Variants in CEP170 observed in about 807,000 individuals in gnomAD.
CEP170 encodes the protein centrosomal protein of 170 kDa.
Under a neutral mutation model 151.9 loss-of-function variants are expected in CEP170, and 21 were observed. The ratio of observed to expected loss-of-function variants is 0.14; its 90% confidence interval spans 0.10 to 0.20. The LOEUF is 0.20. Among genes scored for constraint, CEP170 ranks in the 10% least tolerant of loss-of-function variants. CEP170 has a pLI of 1.00. For synonymous variants in CEP170, 356 were observed against 648.8 expected, an observed-to-expected ratio of 0.55 and a Z score of 6.86; for missense variants, 964 against 1,892.9, an observed-to-expected ratio of 0.51 and a Z score of 9.11.
chr1:243,243,669 G>C (rs778053624), intron 1 of CEP170, among the ~76,000 whole-genome samples: 1 of 151,892 alleles, frequency 6.6e-6, no homozygotes, highest in Non-Finnish European at 1.5e-5. Flanking sequence ...GACTACAGGT[G>C]CACACCACCA....
At chr1:243,155,868 G>C (rs1193662098) in intron 14 of CEP170, among the ~76,000 whole-genome samples, 1 of 152,040 alleles carries the variant, frequency 6.6e-6, no homozygotes, top group African/African-American at 2.4e-5. Context: ...AAGTTTAAAG[G>C]AAAGTAATCC....
chr1:243,201,720 T>C (rs1479477896), intron 4 of CEP170, among the ~76,000 whole-genome samples: 2 of 152,136 alleles, frequency 1.3e-5, no homozygotes, highest in Non-Finnish European at 2.9e-5. Flanking sequence ...TTCTACTTGT[T>C]AAAATAATAA....
At chr1:243,254,219 T>TA (rs1553275319) in intron 1 of CEP170, 2 of 139,386 alleles carry the variant, frequency 1.4e-5, no homozygotes, top group African/African-American at 5.2e-5. Context: ...AATAAATAAA[T>TA]AAAACTCTAC....
chr1:243,156,988 C>A (rs2057620102), intron 13 of CEP170, among the ~76,000 whole-genome samples: 2 of 151,766 alleles, frequency 1.3e-5, no homozygotes, highest in Admixed American at 6.6e-5. Context: ...GCCTTTATGG[C>A]AGAAAAAAAA....
intron 6 of CEP170, 73 bp downstream of exon 6, chr1:243,200,445 C>G (rs2060950185): frequency 6.3e-7 from 1 of 1,593,372 alleles, no homozygotes; most frequent in Middle Eastern, 1.8e-4. Context: ...ACATAGCCAA[C>G]TTTCTGAGAA....
chr1:243,162,044 T>A (rs2058105303), intron 13 of CEP170, among the ~76,000 whole-genome samples: 3 of 152,178 alleles, frequency 2.0e-5, no homozygotes, highest in Non-Finnish European at 4.4e-5. Flanking sequence ...TGAGAGAATC[T>A]GAATATACAA....
chr1:243,225,345 T>C, intron 1 of CEP170, 24 bp from the exon 2 acceptor site: 2 of 966,082 alleles, frequency 2.1e-6, no homozygotes, highest in East Asian at 2.9e-5. Context: ...TGAAGAAAAA[T>C]ATACGTTCAG....
chr1:243,244,276 T>C (rs528700190), intron 1 of CEP170, among the ~76,000 whole-genome samples: 1 of 152,158 alleles, frequency 6.6e-6, no homozygotes, highest in African/African-American at 2.4e-5. Context: ...TCAACTGTCC[T>C]GTACATTTGA....
At chr1:243,170,711 G>A (rs1429973820) in intron 11 of CEP170, among the ~76,000 whole-genome samples, 7 of 152,094 alleles carry the variant, frequency 4.6e-5, no homozygotes, top group Non-Finnish European at 1.0e-4. Flanking sequence ...GGGGAATCGC[G>A]TGAACCCGGG....
At chr1:243,149,778 T>C (rs1467155241) in intron 14 of CEP170, among the ~76,000 whole-genome samples, 3 of 152,212 alleles carry the variant, frequency 2.0e-5, no homozygotes, top group Non-Finnish European at 4.4e-5. Context: ...AAGCATTATA[T>C]TACCTTACAG....
chr1:243,170,885 A>G (rs990715536), intron 11 of CEP170, among the ~76,000 whole-genome samples: 1 of 152,186 alleles, frequency 6.6e-6, no homozygotes, highest in Non-Finnish European at 1.5e-5. Context: ...ATCCCATCCA[A>G]GGTTTTCTGT....
In CEP170 at chr1:243,173,985, T is replaced by A. The variant is rs536002685; in HGVS notation, c.1567-1139A>T. Among the ~76,000 whole-genome samples, 5 of 152,310 alleles carry A rather than the reference T, an allele frequency of 3.3e-5. No homozygotes were observed. The South Asian group carries it at 6.2e-4, about 19-fold the overall frequency. On this transcript the variant is annotated intron_variant, in intron 10 of 19. Coordinates refer to ENST00000366542, the MANE Select transcript of CEP170 (RefSeq NM_014812.3). ...GCCATTTTATTGTATAATTGCGACATAGTAGATAGCATAATTCTCAAACTG... is the reference window on the plus strand; with the variant it reads ...GCCATTTTATTGTATAATTGCGACAAAGTAGATAGCATAATTCTCAAACTG...
intron 10 of CEP170, among the ~76,000 whole-genome samples, chr1:243,179,886 G>A (rs2059506285): frequency 6.6e-6 from 1 of 152,114 alleles, no homozygotes; most frequent in Non-Finnish European, 1.5e-5. Context: ...AACACAACAT[G>A]GCAATCTGAT....
chr1:243,134,859 T>C (rs562592927), intron 17 of CEP170, among the ~76,000 whole-genome samples: 21 of 152,144 alleles, frequency 1.4e-4, no homozygotes, highest in Non-Finnish European at 2.5e-4. Context: ...GGTCTGTCAA[T>C]ACATTTCACT....
intron 14 of CEP170, among the ~76,000 whole-genome samples, chr1:243,152,945 AT>A (rs2057245438): frequency 6.6e-6 from 1 of 152,206 alleles, no homozygotes; most frequent in Non-Finnish European, 1.5e-5. Context: ...TAAACTGAAA[AT>A]CTTTTGGAAA....
Position 243,164,855 on chromosome 1 carries a change from G to T in CEP170, c.3105C>A (p.Ala1035=), listed in dbSNP as rs1184397817. 1 of 1,613,318 alleles carries T rather than the reference G, an allele frequency of 6.2e-7. No homozygotes were observed. The highest frequency in any genetic ancestry group is 1.3e-5 in the African/African-American group (1 of 75,016). The change falls in exon 13 of 20, where the codon GCC becomes GCA. Residue 1035 remains alanine, a synonymous_variant. Transcript: ENST00000366542. The stretch of plus-strand genomic sequence containing the variant: ...GATCAGATGACATAATATCAGAGAT[G>T]GCAGAATGAGGTACACTAGAGGTTT... ...DDQTSSVPHS[A]ISDIMSSDQE... is the part of the protein sequence containing the mutation.
intron 14 of CEP170, among the ~76,000 whole-genome samples, chr1:243,144,049 G>C (rs998931407): frequency 1.3e-5 from 2 of 152,148 alleles, no homozygotes; most frequent in Non-Finnish European, 2.9e-5. Flanking sequence ...TCAACACAAA[G>C]AGGCAGGAAA....
intron 13 of CEP170, among the ~76,000 whole-genome samples, chr1:243,162,819 A>T (rs1351953054): frequency 6.6e-6 from 1 of 152,268 alleles, no homozygotes; most frequent in Non-Finnish European, 1.5e-5. Flanking sequence ...AATGCAGCAC[A>T]GATGAAATGT....
intron 11 of CEP170, among the ~76,000 whole-genome samples, chr1:243,170,709 G>A (rs1290138932): frequency 1.3e-5 from 2 of 152,170 alleles, no homozygotes; most frequent in African/African-American, 2.4e-5. Flanking sequence ...CAGGGGAATC[G>A]CGTGAACCCG....
Sources: gnomAD v4.1 joint callset for allele counts (sites outside exome capture counted in the v4.1 genomes callset) on GRCh38, gnomAD v4.1.1 for gene constraint, MANE v1.5 for transcripts, NCBI Gene and HGNC (gene_info 2026-07-23, HGNC 2026-07-21) for gene names.